Variants in DGKI observed in about 807,000 individuals in gnomAD.
DGKI encodes diacylglycerol kinase iota.
In DGKI, 55 loss-of-function variants were observed where a neutral mutation model predicts 147.5. The observed-to-expected ratio is 0.37, with a 90% CI of 0.30 to 0.47. The LOEUF is 0.47. DGKI is among the 20% of genes least tolerant of loss of function. The probability of loss-of-function intolerance (pLI) is 1.00; values close to 1 mark genes in which losing one functional copy is unlikely to be tolerated. For missense variants in DGKI, 1,007 were observed against 1,323.8 expected, an observed-to-expected ratio of 0.76 and a Z score of 3.71; for synonymous variants, 469 against 477.1, an observed-to-expected ratio of 0.98 and a Z score of 0.22.
chr7:137,471,813 T>A (rs980510308), intron 23 of DGKI, among the ~76,000 whole-genome samples: 2 of 149,680 alleles, frequency 1.3e-5, no homozygotes, highest in African/African-American at 4.9e-5. Flanking sequence ...AATATGTATA[T>A]CATTTATATT....
chr7:137,755,556 T>C (rs1370130741), intron 1 of DGKI, among the ~76,000 whole-genome samples: 1 of 152,196 alleles, frequency 6.6e-6, no homozygotes, highest in Non-Finnish European at 1.5e-5. Context: ...CTCTTAAGTC[T>C]CTTAGGGCAT....
rs76575235 is a variant in DGKI at position 137,702,012 on chromosome 7, T to C, written c.402-12010A>G. 5.9e-3 allele frequency among the ~76,000 whole-genome samples: 900 copies of C among 152,224 alleles called. 6 individuals are homozygous for C. The highest frequency in any genetic ancestry group is 0.011 in the South Asian group (52 of 4,820). ...CAGAGATTCAAATATAACCCCCACATGTACAGCTTCAACAGAGGTATTGAA... is the reference window on the plus strand; with the variant it reads ...CAGAGATTCAAATATAACCCCCACACGTACAGCTTCAACAGAGGTATTGAA... On this transcript the variant is annotated intron_variant, in intron 1 of 32. Transcript: ENST00000614521.
rs118137563 is a variant in DGKI at position 137,531,177 on chromosome 7, G to A, written c.2148-9211C>T. On this transcript the variant is annotated intron_variant, in intron 20 of 32. Coordinates refer to ENST00000614521, the MANE Select transcript of DGKI (RefSeq NM_001321708.2). ...AAACAAATGGAAATTAGACATAGAG[G>A]TAACATGCATTCTCATAGAAGAATT... is the stretch of plus-strand genomic sequence containing the variant. Among the ~76,000 whole-genome samples, 534 of 152,198 alleles carry A rather than the reference G, an allele frequency of 3.5e-3. 3 individuals carry two copies. The highest frequency in any genetic ancestry group is 0.024 in the South Asian group (116 of 4,824).
intron 8 of DGKI, among the ~76,000 whole-genome samples, chr7:137,614,093 A>T (rs960325521): frequency 2.0e-5 from 3 of 152,188 alleles, no homozygotes; most frequent in Non-Finnish European, 2.9e-5. Context: ...AAACAATAAA[A>T]GATTGAGCAC....
At chr7:137,669,601 C>T (rs999032089) in intron 3 of DGKI, among the ~76,000 whole-genome samples, 1 of 152,166 alleles carries the variant, frequency 6.6e-6, no homozygotes, top group African/African-American at 2.4e-5. Flanking sequence ...CACAAACACG[C>T]AAATGCAGCC....
chr7:137,738,166 T>C (rs1306681374), intron 1 of DGKI, among the ~76,000 whole-genome samples: 4 of 152,094 alleles, frequency 2.6e-5, no homozygotes, highest in Non-Finnish European at 5.9e-5. Flanking sequence ...TACAGACAAA[T>C]TAATGCAGTT....
At chr7:137,605,198 C>G (rs1460684737) in intron 10 of DGKI, among the ~76,000 whole-genome samples, 1 of 151,952 alleles carries the variant, frequency 6.6e-6, no homozygotes, top group African/African-American at 2.4e-5. Flanking sequence ...ATCCCAGCTA[C>G]TTGGGAGGCT....
chr7:137,587,177 G>C lies in DGKI; in HGVS notation c.1345C>G (p.Gln449Glu). ...GWILSILDEL[Q>E]LSPQPPVGVL... is the part of the protein sequence containing the mutation. ...CCCACAGGAGGCTGAGGGCTCAGCT[G>C]CAGTTCATCCAGGATGGAAAGGATC... Residue 449 changes from glutamine to glutamate, a missense_variant, in exon 13 of 33, where the codon CAG (glutamine) becomes GAG (glutamate). Gln to Glu is a conservative substitution (Grantham distance 29). Coordinates refer to ENST00000614521, the MANE Select transcript of DGKI (RefSeq NM_001321708.2). The C allele has an allele frequency of 6.2e-7, 1 of 1,613,182 alleles. No homozygotes were observed. The highest frequency in any genetic ancestry group is 8.5e-7 in the Non-Finnish European group (1 of 1,179,670).
chr7:137,701,157 C>G (rs1823969137), intron 1 of DGKI, among the ~76,000 whole-genome samples: 1 of 150,142 alleles, frequency 6.7e-6, no homozygotes. Context: ...GGCCTACTTG[C>G]AGAAAAAAAA....
chr7:137,576,009 G>T (rs1585247105), intron 17 of DGKI, among the ~76,000 whole-genome samples: 2 of 145,666 alleles, frequency 1.4e-5, no homozygotes, highest in African/African-American at 5.1e-5. Context: ...ATTTTGTTCT[G>T]TTCTCTCTTG....
intron 28 of DGKI, among the ~76,000 whole-genome samples, chr7:137,419,189 AG>A (rs1812468653): frequency 6.6e-6 from 1 of 152,206 alleles, no homozygotes; most frequent in Non-Finnish European, 1.5e-5. Flanking sequence ...CCCCGGAAAA[AG>A]TTTCATGAAT....
intron 1 of DGKI, among the ~76,000 whole-genome samples, chr7:137,702,421 C>T (rs906668752): frequency 3.9e-5 from 6 of 152,170 alleles, no homozygotes; most frequent in Non-Finnish European, 7.4e-5. Context: ...CAGAGCCATA[C>T]CCCTGGAAAG....
intron 24 of DGKI, 66 bp downstream of exon 24, chr7:137,469,484 T>C: frequency 6.6e-7 from 1 of 1,522,046 alleles, no homozygotes. Context: ...GCCCACCCTA[T>C]CAATTGATGC....
Position 137,689,749 on chromosome 7 carries a change from G to C in DGKI, c.510+145C>G, listed in dbSNP as rs985002814. 4.0e-5 allele frequency: 19 copies of C among 470,902 alleles called. No individual in the cohort carries two copies. The Admixed American group carries it at 7.9e-4, about 20-fold the overall frequency. The allele number at this position is 470,902 out of a possible 1,614,324, so 29.2% of individuals were successfully genotyped here. On this transcript the variant is annotated intron_variant, in intron 2 of 32. Coordinates refer to ENST00000614521, the MANE Select transcript of DGKI (RefSeq NM_001321708.2). ...ATGTTCATAGGAGTTTGAAAATGGA[G>C]CTACAGCTAAGGTATCTGAGGACAG... is the stretch of plus-strand genomic sequence containing the variant.
chr7:137,545,185 T>C (rs1817823788), intron 20 of DGKI, among the ~76,000 whole-genome samples: 1 of 152,160 alleles, frequency 6.6e-6, no homozygotes, highest in Admixed American at 6.5e-5. Flanking sequence ...CCAAAGGTTG[T>C]TGGGAGAGCA....
intron 32 of DGKI, among the ~76,000 whole-genome samples, chr7:137,394,481 T>G (rs1731949): frequency 1 from 151,496 of 152,200 alleles, 75,402 homozygotes; most frequent in East Asian, 1. Flanking sequence ...TGAGCCCTGG[T>G]TCAACTCTAC....
At chr7:137,522,927 CT>C (rs11355887) in intron 20 of DGKI, among the ~76,000 whole-genome samples, 14,541 of 151,224 alleles carry the variant, frequency 0.096, 1,505 homozygotes, top group African/African-American at 0.25. Flanking sequence ...AGAGGCTTCT[CT>C]TTTTTTTTAT....
chr7:137,824,683 AT>A (rs1052476190), intron 1 of DGKI, among the ~76,000 whole-genome samples: 2 of 151,906 alleles, frequency 1.3e-5, no homozygotes, highest in African/African-American at 4.8e-5. Context: ...AGTGCCCACT[AT>A]TTTTCCTGAT....
At chr7:137,594,892 A>G (rs144712394) in intron 12 of DGKI, among the ~76,000 whole-genome samples, 112 of 152,390 alleles carry the variant, frequency 7.3e-4, no homozygotes, top group African/African-American at 2.6e-3. Context: ...GTACAAGATA[A>G]GCAAAGTTTT....
Sources: gnomAD v4.1 joint callset for allele counts (sites outside exome capture counted in the v4.1 genomes callset) on GRCh38, gnomAD v4.1.1 for gene constraint, MANE v1.5 for transcripts, NCBI Gene and HGNC (gene_info 2026-07-23, HGNC 2026-07-21) for gene names.